Variants in ATP10A observed in about 807,000 individuals in gnomAD.
ATP10A encodes the protein ATPase phospholipid transporting 10A (putative), also known as phospholipid-transporting ATPase VA.
ATP10A carries 111 observed loss-of-function variants against 147.8 expected under a neutral mutation model. The ratio of observed to expected loss-of-function variants is 0.75; its 90% confidence interval spans 0.64 to 0.88. The LOEUF (loss-of-function observed/expected upper bound fraction) is 0.88. Ranked by LOEUF, ATP10A falls within the 40% of genes least tolerant of loss-of-function variation. The pLI is 0.00. For synonymous variants in ATP10A, 875 were observed against 841.6 expected (o/e 1.04, Z -0.69); for missense variants, 1,927 against 1,959.0 (o/e 0.98, Z 0.31).
chr15:25,794,749 A>G (rs554103830), intron 1 of ATP10A, among the ~76,000 whole-genome samples: 1 of 152,312 alleles, frequency 6.6e-6, no homozygotes, highest in East Asian at 1.9e-4. Flanking sequence ...ACTAACTACA[A>G]ACTGAGTTTT....
chr15:25,735,259 T>A (rs1262669300), intron 3 of ATP10A, among the ~76,000 whole-genome samples: 1 of 152,092 alleles, frequency 6.6e-6, no homozygotes, highest in Admixed American at 6.5e-5. Flanking sequence ...CAGAAGACCA[T>A]CCCCAAGGGC....
chr15:25,863,981 C>T (rs936312778), upstream of ATP10A, among the ~76,000 whole-genome samples: 2 of 152,164 alleles, frequency 1.3e-5, no homozygotes, highest in Non-Finnish European at 2.9e-5. Context: ...AAATATATCG[C>T]TATAGCAAAG....
Position 25,708,033 on chromosome 15 carries a change from T to TCCTC in ATP10A, c.2517_2518insGAGG (p.Ser840GlufsTer26). Reference sequence around the variant, plus strand: ...GCAGACTGGAAGAGGAGCTCCTCGCTGTTTTCCAGGGAGGATTCGGCTTCT... The same window carrying TCCTC: ...GCAGACTGGAAGAGGAGCTCCTCGCTCCTCGTTTTCCAGGGAGGATTCGGCTTCT... On this transcript the variant is annotated frameshift_variant, in exon 12 of 21. Coordinates refer to ENST00000555815, the MANE Select transcript of ATP10A (RefSeq NM_024490.4). LOFTEE classifies it high-confidence loss of function. 6.2e-7 allele frequency: 1 copy of TCCTC among 1,614,178 alleles called. No homozygotes were observed. Among genetic ancestry groups the TCCTC allele is most frequent in the Non-Finnish European group, 8.5e-7 (1 of 1,180,030 alleles).
chr15:25,744,630 G>A (rs970161245), intron 2 of ATP10A, among the ~76,000 whole-genome samples: 4 of 152,168 alleles, frequency 2.6e-5, no homozygotes, highest in East Asian at 1.9e-4. Flanking sequence ...TAGAGATTTC[G>A]AAAATATAGA....
rs369332325 is a variant in ATP10A, at chr15:25,684,383, A to G, written c.3292-897T>C. ...CTCAGTCTCGCTTTCCTTGCTCATG[A>G]CATGGGCATACCAATGATACTCAGC... On this transcript the variant is annotated intron_variant, in intron 16 of 20. Coordinates refer to ENST00000555815, the MANE Select transcript of ATP10A (RefSeq NM_024490.4). Among the ~76,000 whole-genome samples the G allele has an allele frequency of 8.9e-4, 135 of 152,306 alleles. 3 individuals carry two copies. The South Asian group carries it at 0.028, about 31-fold the overall frequency.
chr15:25,719,610 A>G (rs1902083769), intron 7 of ATP10A, among the ~76,000 whole-genome samples: 2 of 132,366 alleles, frequency 1.5e-5, no homozygotes, highest in African/African-American at 5.6e-5. Flanking sequence ...CCATGGAGCC[A>G]TCCTTCAGGG....
chr15:25,723,270 C>T (rs1278719793), intron 6 of ATP10A, among the ~76,000 whole-genome samples: 1 of 151,810 alleles, frequency 6.6e-6, no homozygotes, highest in Non-Finnish European at 1.5e-5. Context: ...ATTGCTTGAA[C>T]CCAGGAAGTG....
In ATP10A at chr15:25,779,955, G is replaced by A. The variant is rs1157852059; in HGVS notation, c.654+1064C>T. 3.3e-5 allele frequency among the ~76,000 whole-genome samples: 5 copies of A among 152,162 alleles called. No individual in the cohort carries two copies. The South Asian group carries it at 1.0e-3, about 32-fold the overall frequency. On this transcript the variant is annotated intron_variant, in intron 2 of 20. Transcript: ENST00000555815. ...TCAGGCAGACGCCTGCCGCAGGCAG[G>A]CCGGGCGGGCGAGGTGCGGAGTACC... is the stretch of plus-strand genomic sequence containing the variant.
At chr15:25,853,243 C>T (rs910379857) in intron 1 of ATP10A, among the ~76,000 whole-genome samples, 1 of 152,198 alleles carries the variant, frequency 6.6e-6, no homozygotes, top group African/African-American at 2.4e-5. Context: ...GCTCTTCATG[C>T]TTCCTGTAAG....
chr15:25,813,788 A>G (rs1468601537), intron 1 of ATP10A, among the ~76,000 whole-genome samples: 1 of 152,230 alleles, frequency 6.6e-6, no homozygotes, highest in African/African-American at 2.4e-5. Context: ...AGACATCACG[A>G]AAGAAAAAAA....
intron 12 of ATP10A, among the ~76,000 whole-genome samples, chr15:25,702,756 T>C (rs1178646552): frequency 2.6e-5 from 4 of 151,656 alleles, no homozygotes; most frequent in African/African-American, 4.8e-5. Flanking sequence ...GCCTCAGATT[T>C]TTTTTTTTTT....
chr15:25,835,557 C>G (rs893148129), intron 1 of ATP10A, among the ~76,000 whole-genome samples: 1 of 152,118 alleles, frequency 6.6e-6, no homozygotes, highest in African/African-American at 2.4e-5. Context: ...CAAGCCTGGC[C>G]CTTTGCACAC....
Position 25,863,133 on chromosome 15 carries a change from ACGCC to A in ATP10A, c.-41_-38del, listed in dbSNP as rs1893852044. ...GCCGCGCCCGGCTCCTCCGCCGCTC[ACGCC>A]CGCCCGCGCCGGCCTCTTAGGTTAT... On this transcript the variant is annotated 5_prime_UTR_variant, in exon 1 of 21. Transcript: ENST00000555815. 8.9e-7 allele frequency: 1 copy of A among 1,119,698 alleles called. No individual in the cohort carries two copies. Among genetic ancestry groups the A allele is most frequent in the Non-Finnish European group, 1.1e-6 (1 of 915,882 alleles). 69.4% of individuals were successfully genotyped at this position (1,119,698 alleles called of 1,614,324 possible). A position where few individuals can be genotyped will look rare whatever the true frequency, so the allele number is the denominator to read the frequency against.
chr15:25,711,023 C>A (rs1403701343), intron 10 of ATP10A, among the ~76,000 whole-genome samples: 4 of 151,510 alleles, frequency 2.6e-5, no homozygotes, highest in Admixed American at 6.6e-5. Flanking sequence ...AACTGAGGCA[C>A]AGAGTGAGTG....
At chr15:25,725,626 A>ATTTC (rs944649967) in intron 5 of ATP10A, among the ~76,000 whole-genome samples, 2 of 146,786 alleles carry the variant, frequency 1.4e-5, no homozygotes, top group Non-Finnish European at 3.0e-5. Flanking sequence ...GAGCCCACTC[A>ATTTC]TTTCTTTCTT....
At chr15:25,772,900 GA>G (rs1889411651) in intron 2 of ATP10A, among the ~76,000 whole-genome samples, 1 of 152,274 alleles carries the variant, frequency 6.6e-6, no homozygotes, top group African/African-American at 2.4e-5. Flanking sequence ...CTGACAAATT[GA>G]AGAAGTTTGC....
chr15:25,819,176 C>T (rs1891781251), intron 1 of ATP10A, among the ~76,000 whole-genome samples: 1 of 152,074 alleles, frequency 6.6e-6, no homozygotes, highest in Non-Finnish European at 1.5e-5. Flanking sequence ...GCAAACTATG[C>T]CGCTGACAGG....
chr15:25,761,305 A>G (rs1052474864), intron 2 of ATP10A, among the ~76,000 whole-genome samples: 1 of 152,212 alleles, frequency 6.6e-6, no homozygotes, highest in Non-Finnish European at 1.5e-5. Flanking sequence ...CTGTTCTCAC[A>G]CTGCTAATAA....
chr15:25,771,924 T>C (rs1173983792), intron 2 of ATP10A, among the ~76,000 whole-genome samples: 1 of 151,966 alleles, frequency 6.6e-6, no homozygotes, highest in African/African-American at 2.4e-5. Flanking sequence ...GGATAATTTT[T>C]GTATTTTAGT....
Sources: gnomAD v4.1 joint callset for allele counts (sites outside exome capture counted in the v4.1 genomes callset) on GRCh38, gnomAD v4.1.1 for gene constraint, MANE v1.5 for transcripts, NCBI Gene and HGNC (gene_info 2026-07-23, HGNC 2026-07-21) for gene names.